RUFY4: variants seen among roughly 807,000 people sequenced by gnomAD.
RUFY4 encodes the protein RUN and FYVE domain containing 4.
In RUFY4, 73 loss-of-function variants were observed where a neutral mutation model predicts 69.0. The observed-to-expected ratio is 1.06, with a 90% CI of 0.88 to 1.29. RUFY4 has a LOEUF of 1.29. Among genes scored for constraint, RUFY4 ranks in the 50% most tolerant of loss-of-function variants. The pLI, the probability that RUFY4 is intolerant of heterozygous loss-of-function variation, is 0.00. For missense variants in RUFY4, 770 were observed against 705.6 expected, an observed-to-expected ratio of 1.09 and a Z score of -1.03; for synonymous variants, 287 against 271.8, an observed-to-expected ratio of 1.06 and a Z score of -0.55.
intron 2 of RUFY4, among the ~76,000 whole-genome samples, chr2:218,057,396 A>AT (rs1689086588): frequency 6.6e-6 from 1 of 152,102 alleles, no homozygotes; most frequent in Non-Finnish European, 1.5e-5. Flanking sequence ...ATATATTATA[A>AT]TTTTTTATAC....
At chr2:218,047,083 A>G (rs1368906209) in intron 2 of RUFY4, among the ~76,000 whole-genome samples, 1 of 152,014 alleles carries the variant, frequency 6.6e-6, no homozygotes, top group African/African-American at 2.4e-5. Flanking sequence ...TAGTATTGAA[A>G]AGATTACACT....
At position 218,083,091 on chromosome 2, in the gene RUFY4, G is replaced by T; in HGVS notation, c.1356-19G>T. 2 of 1,609,884 alleles carry T rather than the reference G, an allele frequency of 1.2e-6. No homozygotes were observed. The highest frequency in any genetic ancestry group is 2.2e-5 in the East Asian group (1 of 44,744). ...CTGAGCTTTGCCCCCTGAGAACCTA[G>T]TCTTCCTTCTGTACCCAGGTGTCAG... is the stretch of plus-strand genomic sequence containing the variant. On this transcript the variant is annotated intron_variant, in intron 8 of 10. Transcript: ENST00000344321.
exon 1 of RUFY4, chr2:218,070,513 C>CT: frequency 8.9e-7 from 1 of 1,119,596 alleles, no homozygotes; most frequent in South Asian, 1.3e-5. Context: ...CTGCGTCCTG[C>CT]TTTGTGTAAG....
chr2:218,079,679 G>C (rs938519703), intron 8 of RUFY4, among the ~76,000 whole-genome samples: 1 of 152,152 alleles, frequency 6.6e-6, no homozygotes. Flanking sequence ...TGATGCCTGG[G>C]AGCCAGGGAG....
intron 7 of RUFY4, 115 bp downstream of exon 9, chr2:218,075,855 G>T: frequency 9.5e-7 from 1 of 1,056,952 alleles, no homozygotes; most frequent in Admixed American, 3.1e-5. Flanking sequence ...ATTTTTATTG[G>T]CCCACTCAGG....
chr2:218,072,567 C>T (rs965368578), intron 3 of RUFY4, 68 bp downstream of exon 5: 1 of 1,517,778 alleles, frequency 6.6e-7, no homozygotes, highest in Non-Finnish European at 8.8e-7. Context: ...CCTTTTCCCC[C>T]ACCCTGCTCT....
chr2:218,073,667 G>A, intron 5 of RUFY4, 149 bp from the exon 8 acceptor site: 3 of 882,076 alleles, frequency 3.4e-6, no homozygotes, highest in Non-Finnish European at 5.2e-6. Context: ...ACGGATGAAT[G>A]GAGGATGGGA....
chr2:218,090,040 G>A (rs1242815188), exon 11 of RUFY4: 2 of 1,547,866 alleles, frequency 1.3e-6, no homozygotes, highest in South Asian at 1.2e-5. Flanking sequence ...GGGAAGAGAA[G>A]CCCAGGTCAC....
intron 9 of RUFY4, among the ~76,000 whole-genome samples, chr2:218,088,653 G>C (rs1168450886): frequency 1.3e-5 from 2 of 152,100 alleles, no homozygotes; most frequent in African/African-American, 4.8e-5. Context: ...TTAAATAATG[G>C]GTCCTTAAAT....
chr2:218,084,483 C>T (rs945468760), intron 9 of RUFY4, among the ~76,000 whole-genome samples: 14 of 152,104 alleles, frequency 9.2e-5, no homozygotes, highest in South Asian at 4.2e-4. Flanking sequence ...CCACCCAGCT[C>T]GGCCTCCCAA....
chr2:218,080,399 T>C (rs1017288044), intron 8 of RUFY4, among the ~76,000 whole-genome samples: 10 of 152,172 alleles, frequency 6.6e-5, no homozygotes, highest in Admixed American at 1.3e-4. Flanking sequence ...CCCATGGGGC[T>C]GTGAAAACGG....
intron 2 of RUFY4, among the ~76,000 whole-genome samples, chr2:218,051,867 A>G (rs1266406439): frequency 6.6e-6 from 1 of 152,236 alleles, no homozygotes; most frequent in Non-Finnish European, 1.5e-5. Context: ...CAAAAACTAC[A>G]GGAGGTTTGG....
intron 2 of RUFY4, among the ~76,000 whole-genome samples, chr2:218,053,556 C>A (rs1688991161): frequency 6.6e-6 from 1 of 152,120 alleles, no homozygotes; most frequent in Admixed American, 6.6e-5. Flanking sequence ...GTCGCCCAGG[C>A]TGGAGTGCAG....
At chr2:218,057,118 C>G (rs1186261761) in intron 2 of RUFY4, among the ~76,000 whole-genome samples, 1 of 152,048 alleles carries the variant, frequency 6.6e-6, no homozygotes, top group South Asian at 2.1e-4. Flanking sequence ...CTAGTTTTAC[C>G]CAGCGCTGTC....
At chr2:218,056,287 CTT>C (rs199866801) in intron 2 of RUFY4, among the ~76,000 whole-genome samples, 1,565 of 141,760 alleles carry the variant, frequency 0.011, 11 homozygotes, top group Middle Eastern at 0.023. Context: ...CCTGTCTAAT[CTT>C]TGCAAAGCCA....
At chr2:218,060,561 C>T (rs1689158693) in intron 3 of RUFY4, 12 of 1,306,502 alleles carry the variant, frequency 9.2e-6, no homozygotes, top group Non-Finnish European at 1.1e-5. Context: ...CGTTGCGGCG[C>T]TCACAGGTCT....
intron 2 of RUFY4, among the ~76,000 whole-genome samples, chr2:218,046,146 C>G (rs1688823774): frequency 6.6e-6 from 1 of 151,922 alleles, no homozygotes; most frequent in Non-Finnish European, 1.5e-5. Flanking sequence ...GTGATCAGAT[C>G]AGGGTAATTA....
chr2:218,081,631 G>A (rs959390220), intron 8 of RUFY4, among the ~76,000 whole-genome samples: 2 of 152,168 alleles, frequency 1.3e-5, no homozygotes, highest in African/African-American at 4.8e-5. Flanking sequence ...ACACCACGGT[G>A]ATCACATTAA....
intron 8 of RUFY4, 86 bp downstream of exon 10, chr2:218,076,619 T>G: frequency 6.6e-7 from 1 of 1,516,368 alleles, no homozygotes. Context: ...TGAGGTCTTG[T>G]GAGAACCTCC....
Sources: gnomAD v4.1 joint callset for allele counts (sites outside exome capture counted in the v4.1 genomes callset) on GRCh38, gnomAD v4.1.1 for gene constraint, MANE v1.5 for transcripts, NCBI Gene and HGNC (gene_info 2026-07-23, HGNC 2026-07-21) for gene names.